Variants in SLC49A4 observed in about 807,000 individuals in gnomAD.
SLC49A4 encodes the protein disrupted in renal cancer protein 2.
Under a neutral mutation model 50.6 loss-of-function variants are expected in SLC49A4, and 36 were observed. That is an observed-to-expected ratio of 0.71 (90% CI 0.55 to 0.94). The LOEUF is 0.94. Ranked by LOEUF, SLC49A4 falls within the 40% of genes least tolerant of loss-of-function variation. The pLI is 0.00. For missense variants in SLC49A4, 503 were observed against 605.7 expected, an observed-to-expected ratio of 0.83 and a Z score of 1.78; for synonymous variants, 248 against 241.2, an observed-to-expected ratio of 1.03 and a Z score of -0.26.
At position 122,816,039 on chromosome 3, in the gene SLC49A4, G is replaced by A. The variant is rs149377283; in HGVS notation, c.437+9089G>A. Among the ~76,000 whole-genome samples, 3 of 152,244 alleles carry A rather than the reference G, an allele frequency of 2.0e-5. No individual in the cohort carries two copies. In the East Asian group the frequency reaches 5.8e-4, roughly 29 times the overall value. On this transcript the variant is annotated intron_variant, in intron 2 of 8. Transcript: ENST00000261038. ...CCTTCTGCTTATGGTTCTTATACCT[G>A]TTGAATCTCCTCTTTACTTTACCAG...
chr3:122,868,115 C>CAA (rs748874580), intron 7 of SLC49A4, among the ~76,000 whole-genome samples: 4 of 99,564 alleles, frequency 4.0e-5, no homozygotes, highest in Admixed American at 1.0e-4. Flanking sequence ...ACTCCGTCTC[C>CAA]AAAAAAAAAA....
chr3:122,851,150 C>T (rs1936920616), intron 5 of SLC49A4, among the ~76,000 whole-genome samples: 1 of 152,186 alleles, frequency 6.6e-6, no homozygotes, highest in Non-Finnish European at 1.5e-5. Flanking sequence ...TATATTTTAA[C>T]TGCACAAGAC....
At chr3:122,851,224 CTTTA>C (rs975861663) in intron 5 of SLC49A4, among the ~76,000 whole-genome samples, 1 of 151,972 alleles carries the variant, frequency 6.6e-6, no homozygotes, top group Non-Finnish European at 1.5e-5. Context: ...TCATTTTGTT[CTTTA>C]TTTCTTTATC....
chr3:122,806,329 C>T (rs1936216825), intron 1 of SLC49A4, among the ~76,000 whole-genome samples: 1 of 152,138 alleles, frequency 6.6e-6, no homozygotes, highest in Admixed American at 6.5e-5. Context: ...CTTCCTCCAT[C>T]TTTGATATGA....
intron 2 of SLC49A4, among the ~76,000 whole-genome samples, chr3:122,812,458 C>T (rs935523473): frequency 6.6e-6 from 1 of 152,170 alleles, no homozygotes; most frequent in African/African-American, 2.4e-5. Context: ...TCAGATTCCC[C>T]TATATCAGTG....
intron 5 of SLC49A4, among the ~76,000 whole-genome samples, chr3:122,855,724 G>T (rs1269846494): frequency 1.3e-5 from 2 of 152,076 alleles, no homozygotes; most frequent in African/African-American, 4.8e-5. Flanking sequence ...CACTGATCTG[G>T]GTACTGTATA....
chr3:122,847,624 C>T (rs369649998), intron 5 of SLC49A4, among the ~76,000 whole-genome samples: 13 of 151,764 alleles, frequency 8.6e-5, no homozygotes, highest in African/African-American at 2.9e-4. Context: ...GGATTACAGG[C>T]GTGAGCCACC....
chr3:122,875,703 T>C (rs1378289928), intron 8 of SLC49A4, among the ~76,000 whole-genome samples: 6 of 152,166 alleles, frequency 3.9e-5, no homozygotes, highest in Non-Finnish European at 5.9e-5. Flanking sequence ...TTTAAGTCAC[T>C]TCTCAAGGAA....
intron 1 of SLC49A4, among the ~76,000 whole-genome samples, chr3:122,798,247 C>T (rs1253941084): frequency 1.3e-5 from 2 of 152,064 alleles, no homozygotes; most frequent in Admixed American, 6.6e-5. Context: ...TTATTTTTAT[C>T]AGGAGCATTT....
At chr3:122,818,303 G>A (rs1176859633) in intron 2 of SLC49A4, among the ~76,000 whole-genome samples, 1 of 152,110 alleles carries the variant, frequency 6.6e-6, no homozygotes, top group Non-Finnish European at 1.5e-5. Context: ...TGGTATCTGT[G>A]GTTACCTATG....
rs772912360 is a variant in SLC49A4, at chr3:122,845,876, G to A, written c.942+5G>A. The A allele has an allele frequency of 5.0e-6, 8 of 1,587,760 alleles. No individual in the cohort carries two copies. Among genetic ancestry groups the A allele is most frequent in the Non-Finnish European group, 6.9e-6 (8 of 1,163,206 alleles). ...ACACCAGCGCATGTCAGCCAAGTAA[G>A]TATTTTATTTCTTTATATGTTGTAG... On this transcript the variant is annotated splice_donor_5th_base_variant and intron_variant, in intron 5 of 8. Transcript: ENST00000261038.
At chr3:122,796,431 A>T (rs1479558244) in intron 1 of SLC49A4, among the ~76,000 whole-genome samples, 1 of 152,226 alleles carries the variant, frequency 6.6e-6, no homozygotes, top group Admixed American at 6.5e-5. Context: ...TGGAGCTGCT[A>T]TAACAAAATA....
intron 4 of SLC49A4, among the ~76,000 whole-genome samples, chr3:122,835,800 G>C (rs1215568938): frequency 6.6e-6 from 1 of 152,158 alleles, no homozygotes; most frequent in Non-Finnish European, 1.5e-5. Context: ...ATTGGAAAAA[G>C]AGGAAGTCAA....
intron 1 of SLC49A4, among the ~76,000 whole-genome samples, chr3:122,800,055 A>G (rs1325539336): frequency 6.6e-6 from 1 of 152,204 alleles, no homozygotes; most frequent in Non-Finnish European, 1.5e-5. Context: ...CCTGTGCAGT[A>G]TATTTGGGAG....
intron 2 of SLC49A4, among the ~76,000 whole-genome samples, chr3:122,812,981 G>A (rs1448532673): frequency 2.6e-5 from 4 of 152,286 alleles, no homozygotes; most frequent in African/African-American, 4.8e-5. Flanking sequence ...AAGGCAGGGC[G>A]TGATGCCTTT....
intron 7 of SLC49A4, among the ~76,000 whole-genome samples, chr3:122,867,382 A>G (rs995203657): frequency 5.9e-5 from 9 of 152,208 alleles, no homozygotes; most frequent in Non-Finnish European, 1.0e-4. Flanking sequence ...AGCCTTAATC[A>G]TATTATTAGC....
intron 1 of SLC49A4, among the ~76,000 whole-genome samples, chr3:122,798,149 A>G (rs1321979359): frequency 2.6e-5 from 4 of 152,106 alleles, no homozygotes; most frequent in Non-Finnish European, 5.9e-5. Context: ...ATTTCTCTTT[A>G]GTTTCCTCCA....
chr3:122,856,443 C>T (rs577132859), intron 6 of SLC49A4, 69 bp downstream of exon 6: 6 of 1,349,402 alleles, frequency 4.4e-6, no homozygotes, highest in South Asian at 3.6e-5. Context: ...AAATAGGCTC[C>T]CCTAAATAAA....
intron 4 of SLC49A4, among the ~76,000 whole-genome samples, chr3:122,843,272 G>A (rs1936797268): frequency 1.0e-5 from 1 of 97,192 alleles, no homozygotes; most frequent in Admixed American, 9.1e-5. Context: ...AGGTAGAATA[G>A]TATAACCCCA....
Sources: allele counts gnomAD v4.1 joint callset (sites outside exome capture counted in the v4.1 genomes callset), GRCh38; gene constraint gnomAD v4.1.1; transcripts MANE v1.5; gene names NCBI Gene and HGNC (gene_info 2026-07-23, HGNC 2026-07-21).